Variants in CLASRP observed in about 807,000 individuals in gnomAD.
CLASRP encodes the protein CLK4-associating serine/arginine rich protein.
Under a neutral mutation model 99.9 loss-of-function variants are expected in CLASRP, and 52 were observed. The ratio of observed to expected loss-of-function variants is 0.52; its 90% CI spans 0.42 to 0.66. The LOEUF (loss-of-function observed/expected upper bound fraction) is 0.66, where lower values mean the gene tolerates loss of function less well. Ranked by LOEUF, CLASRP falls within the 30% of genes least tolerant of loss-of-function variation. The probability of loss-of-function intolerance (pLI) is 0.00; values close to 1 mark genes in which losing one functional copy is unlikely to be tolerated. For missense variants in CLASRP, 848 were observed against 999.2 expected (o/e 0.85, Z 2.04); for synonymous variants, 379 against 373.0 (o/e 1.02, Z -0.18).
At chr19:45,041,338 A>G (rs548794200) in intron 2 of CLASRP, among the ~76,000 whole-genome samples, 24 of 152,182 alleles carry the variant, frequency 1.6e-4, no homozygotes, top group Admixed American at 1.3e-3. Flanking sequence ...GGGAAGACCA[A>G]ACTATCCCTG....
In CLASRP at chr19:45,066,398, G is replaced by A. The variant is rs527753360; in HGVS notation, c.1410-939G>A. On this transcript the variant is annotated intron_variant, in intron 13 of 20. Coordinates refer to ENST00000221455, the MANE Select transcript of CLASRP (RefSeq NM_007056.3). ...CTCCCAAAGTGCTGGGATTACAGGC[G>A]TGAGCCACCGCGCCTGGCCCTTGTT... 9.9e-4 allele frequency among the ~76,000 whole-genome samples: 150 copies of A among 152,140 alleles called. 1 individual carries two copies. The highest frequency in any genetic ancestry group is 3.7e-3 in the South Asian group (18 of 4,826).
intron 7 of CLASRP, chr19:45,058,126 T>C: frequency 1.7e-6 from 1 of 571,542 alleles, no homozygotes; most frequent in Non-Finnish European, 3.1e-6. Context: ...TTCTATGATC[T>C]TTTCCCCTCC....
In CLASRP at chr19:45,064,335, G is replaced by C. The variant is rs775363433; in HGVS notation, c.1122-8G>C. ...TGCGCTGACCGGCCCTCCGTGCCCC[G>C]CCTGCAGCCGCCGCTCCTCCTCCTC... On this transcript the variant is annotated splice_polypyrimidine_tract_variant and splice_region_variant and intron_variant, in intron 12 of 20. Transcript: ENST00000221455. 1 of 1,522,524 alleles carries C rather than the reference G, an allele frequency of 6.6e-7. No individual in the cohort carries two copies. The highest frequency in any genetic ancestry group is 2.0e-5 in the Admixed American group (1 of 50,472). The allele number at this position is 1,522,524 out of a possible 1,614,324, so 94.3% of individuals were successfully genotyped here. A position where few individuals can be genotyped will look rare whatever the true frequency, so the allele number is the denominator to read the frequency against.
intron 2 of CLASRP, among the ~76,000 whole-genome samples, chr19:45,045,843 G>A (rs1397767323): frequency 1.3e-5 from 2 of 152,100 alleles, no homozygotes; most frequent in Non-Finnish European, 2.9e-5. Context: ...CATTACTGTT[G>A]CTGATAGAAC....
intron 4 of CLASRP, 28 bp from the exon 5 acceptor site, chr19:45,053,070 G>T: frequency 6.2e-7 from 1 of 1,613,348 alleles, no homozygotes; most frequent in East Asian, 2.2e-5. Context: ...CCTTCTCTCT[G>T]ATTTCAAGGT....
At chr19:45,050,139 G>C (rs2122548726) in intron 2 of CLASRP, among the ~76,000 whole-genome samples, 1 of 147,572 alleles carries the variant, frequency 6.8e-6, no homozygotes, top group South Asian at 2.1e-4. Context: ...CTGGAGCAGA[G>C]TAGGGGAGGG....
intron 18 of CLASRP, 131 bp downstream of exon 18, chr19:45,069,379 C>T (rs549229784): frequency 8.6e-5 from 78 of 910,624 alleles, no homozygotes; most frequent in Non-Finnish European, 1.3e-4. Flanking sequence ...CTGCCTGGCC[C>T]TCGGGGCTGT....
At chr19:45,068,311 T>TGC in intron 15 of CLASRP, 109 bp from the exon 16 acceptor site, 112 of 543,384 alleles carry the variant, frequency 2.1e-4, no homozygotes, top group Middle Eastern at 4.9e-4. Flanking sequence ...CACGTCGTTC[T>TGC]CCCCCCCCCA....
In CLASRP at chr19:45,064,547, C is replaced by T. The variant is rs757452999; in HGVS notation, c.1326C>T (p.His442=). Residue 442 remains histidine, a synonymous_variant, in exon 13 of 21, where the codon CAC becomes CAT. Coordinates refer to ENST00000221455, the MANE Select transcript of CLASRP (RefSeq NM_007056.3). ...GGTCCCGTAGCCGTGGCCGGCGGCA[C>T]TCAGGTGGGGGCTCCCGAGACGGAC... ...YSRSRSRGRR[H]SGGGSRDGHR... 67 of 1,538,804 alleles carry T rather than the reference C, an allele frequency of 4.4e-5. 1 individual carries two copies. Among genetic ancestry groups the T allele is most frequent in the Non-Finnish European group, 5.7e-5 (65 of 1,146,652 alleles).
chr19:45,057,467 G>A (rs561732981), intron 6 of CLASRP, among the ~76,000 whole-genome samples: 1 of 152,312 alleles, frequency 6.6e-6, no homozygotes, highest in Admixed American at 6.5e-5. Flanking sequence ...GCGGGAGACA[G>A]ACCTTCCCCA....
chr19:45,070,518 C>T lies in CLASRP; in HGVS notation c.1958-19C>T, dbSNP rs750274403. The T allele has an allele frequency of 1.1e-5, 18 of 1,613,400 alleles. No homozygotes were observed. Among genetic ancestry groups the T allele is most frequent in the Non-Finnish European group, 1.4e-5 (17 of 1,179,462 alleles). Reference sequence around the variant, plus strand: ...GCCCTGGATGTTTGCTCGCTCTTCACCTGTTGTTTTCTTTCCAGGTCGAGA... The same window carrying T: ...GCCCTGGATGTTTGCTCGCTCTTCATCTGTTGTTTTCTTTCCAGGTCGAGA... On this transcript the variant is annotated intron_variant, in intron 19 of 20. Coordinates refer to ENST00000221455, the MANE Select transcript of CLASRP (RefSeq NM_007056.3).
chr19:45,040,532 T>A (rs1971792490), intron 2 of CLASRP: 4 of 411,420 alleles, frequency 9.7e-6, no homozygotes, highest in African/African-American at 8.1e-5. Flanking sequence ...CCAGTGCCGA[T>A]CCGGTGTTAG....
Position 45,064,700 on chromosome 19 carries a change from C to G in CLASRP, c.1409+70C>G, listed in dbSNP as rs534312950. 379 of 1,468,402 alleles carry G rather than the reference C, an allele frequency of 2.6e-4. 5 individuals are homozygous for G. The South Asian group carries it at 4.8e-3, about 19-fold the overall frequency. The allele number at this position is 1,468,402 out of a possible 1,614,324, so 91.0% of individuals were successfully genotyped here. On this transcript the variant is annotated intron_variant, in intron 13 of 20. Transcript: ENST00000221455. Reference sequence around the variant, plus strand: ...GGTCTCCGATCCTGGGGAGAAGGTGCTCAGAGGGAGGAAACCTGGCCGTCC... The same window carrying G: ...GGTCTCCGATCCTGGGGAGAAGGTGGTCAGAGGGAGGAAACCTGGCCGTCC...
Position 45,067,520 on chromosome 19 carries a change from C to A in CLASRP, c.1593C>A (p.Ser531Arg), listed in dbSNP as rs1374272470. 11 of 1,599,200 alleles carry A rather than the reference C, an allele frequency of 6.9e-6. No homozygotes were observed. The highest frequency in any genetic ancestry group is 9.3e-6 in the Non-Finnish European group (11 of 1,176,714). Residue 531 changes from serine (S) to arginine (R), a missense_variant, in exon 14 of 21, where the codon AGC (serine) becomes AGA (arginine). By Grantham distance (110) the Ser-to-Arg change is moderately radical (BLOSUM62 -1). Transcript: ENST00000221455. The surrounding 1 kb of genome is among the most constrained non-coding windows in gnomAD (Gnocchi z 4.9). Reference protein sequence around the residue: ...SRSRSRSRSQSPSPSPAREKL... With the variant: ...SRSRSRSRSQRPSPSPAREKL... ...GCCGCAGCCGCAGCCGCAGCCAGAG[C>A]CCCTCGCCATCACCCGCAAGAGAGA... is the stretch of plus-strand genomic sequence containing the variant.
At chr19:45,062,840 G>A (rs577306573) in intron 11 of CLASRP, among the ~76,000 whole-genome samples, 2 of 152,270 alleles carry the variant, frequency 1.3e-5, no homozygotes, top group African/African-American at 2.4e-5. Flanking sequence ...GGGAAATAAC[G>A]GGCACTCAGT....
Position 45,064,503 on chromosome 19 carries a change from C to G in CLASRP, c.1282C>G (p.Arg428Gly), listed in dbSNP as rs768043906. ...RSRSWSRSRS[R>G]SRRYSRSRSR... ...CCGCTCCTGGTCCCGCTCCCGCTCCCGCTCCCGGCGCTATTCCCGGTCCCG... is the reference window on the plus strand; with the variant it reads ...CCGCTCCTGGTCCCGCTCCCGCTCCGGCTCCCGGCGCTATTCCCGGTCCCG... The change falls in exon 13 of 21, where the codon CGC (arginine) becomes GGC (glycine). Residue 428 changes from arginine (R) to glycine (G), a missense_variant. Around this residue, in one of 8 missense-constraint regions of CLASRP, gnomAD observed 489 missense variants for 434.7 expected, o/e 1.12. Transcript: ENST00000221455. The G allele has an allele frequency of 6.5e-7, 1 of 1,536,680 alleles. No homozygotes were observed. Among genetic ancestry groups the G allele is most frequent in the Non-Finnish European group, 8.7e-7 (1 of 1,145,958 alleles).
chr19:45,070,059 G>A lies in CLASRP; in HGVS notation c.1912G>A (p.Glu638Lys). 1 of 1,609,964 alleles carries A rather than the reference G, an allele frequency of 6.2e-7. No individual in the cohort carries two copies. The highest frequency in any genetic ancestry group is 8.5e-7 in the Non-Finnish European group (1 of 1,176,226). Residue 638 changes from glutamate to lysine, a missense_variant, in exon 19 of 21, where the codon GAA (glutamate) becomes AAA (lysine). Glu to Lys is a moderately conservative substitution (Grantham distance 56). Transcript: ENST00000221455. Reference protein sequence around the residue: ...ERREKEREEWERQYSRQSRSP... With the variant: ...ERREKEREEWKRQYSRQSRSP... The stretch of plus-strand genomic sequence containing the variant: ...CCGAGAGAAGGAGAGAGAAGAGTGG[G>A]AACGCCAGTACAGCCGGCAGAGCCG...
chr19:45,050,946 T>G (rs1226151297), intron 2 of CLASRP, among the ~76,000 whole-genome samples: 2 of 152,068 alleles, frequency 1.3e-5, no homozygotes, highest in African/African-American at 2.4e-5. Flanking sequence ...CTCGAACTCC[T>G]GACCTCAGGT....
At chr19:45,059,232 C>A in intron 7 of CLASRP, 36 bp from the exon 8 acceptor site, 1 of 1,567,436 alleles carries the variant, frequency 6.4e-7, no homozygotes, top group East Asian at 2.3e-5. Flanking sequence ...TCCTCTCGCT[C>A]GGCCGTGGCT....
Sources: gnomAD v4.1 joint callset for allele counts (sites outside exome capture counted in the v4.1 genomes callset) on GRCh38, gnomAD v4.1.1 for gene constraint, gnomAD v4.1.1 regional missense constraint, Gnocchi (gnomAD v3.1) non-coding constraint, MANE v1.5 for transcripts, NCBI Gene and HGNC (gene_info 2026-07-23, HGNC 2026-07-21) for gene names.